Variants in TLN2 observed in about 807,000 individuals in gnomAD.
The protein encoded by TLN2 is talin 2, also known as talin-2.
Under a neutral mutation model 294.7 loss-of-function variants are expected in TLN2, and 118 were observed. The observed-to-expected ratio is 0.40, with a 90% CI of 0.34 to 0.47. The LOEUF is 0.47. Among genes scored for constraint, TLN2 ranks in the 20% least tolerant of loss-of-function variants. TLN2 has a pLI of 0.84. For synonymous variants in TLN2, 1,431 were observed against 1,304.5 expected (o/e 1.10, Z -2.09); for missense variants, 3,083 against 3,282.2 (o/e 0.94, Z 1.48).
At position 62,519,130 on chromosome 15, in the gene TLN2, A is replaced by G. The variant is rs149766210; in HGVS notation, c.-237-70557A>G. On this transcript the variant is annotated intron_variant, in intron 1 of 58. Coordinates refer to ENST00000636159, the MANE Select transcript of TLN2 (RefSeq NM_015059.3). ...ATAGACCTCTATGTTATAGAGCTGG[A>G]TGAACTTGATATGAAGGTGGAGTCC... 5.9e-5 allele frequency among the ~76,000 whole-genome samples: 9 copies of G among 152,334 alleles called. No homozygotes were observed. The East Asian group carries it at 1.5e-3, about 26-fold the overall frequency.
At chr15:62,459,927 G>A (rs1019260104) in intron 1 of TLN2, among the ~76,000 whole-genome samples, 3 of 152,054 alleles carry the variant, frequency 2.0e-5, no homozygotes, top group African/African-American at 4.8e-5. Flanking sequence ...ATCAATTTTC[G>A]TGAAATAATT....
chr15:62,714,404 G>A (rs4274389), intron 22 of TLN2, among the ~76,000 whole-genome samples: 52,071 of 151,246 alleles, frequency 0.34, 9,218 homozygotes, highest in East Asian at 0.63. Context: ...GGGTTTCCCC[G>A]TGTTAGCCAG....
intron 1 of TLN2, among the ~76,000 whole-genome samples, chr15:62,577,482 CAAACA>C (rs1442043851): frequency 2.6e-5 from 4 of 152,068 alleles, no homozygotes; most frequent in African/African-American, 9.7e-5. Context: ...ACAAAAAACA[CAAACA>C]AAAGAACTAC....
intron 9 of TLN2, among the ~76,000 whole-genome samples, chr15:62,665,070 TTTGTTG>T (rs531457039): frequency 1.4e-4 from 22 of 151,906 alleles, no homozygotes; most frequent in Middle Eastern, 3.4e-3. Context: ...CTCAACTATT[TTTGTTG>T]TTGTTGTTGT....
chr15:62,646,711 G>C (rs1000520412), intron 3 of TLN2, among the ~76,000 whole-genome samples: 1 of 152,158 alleles, frequency 6.6e-6, no homozygotes, highest in Non-Finnish European at 1.5e-5. Context: ...AATTGAGGCA[G>C]AGTGGCCAAA....
At chr15:62,631,491 CT>C (rs2049821086) in intron 3 of TLN2, among the ~76,000 whole-genome samples, 1 of 149,204 alleles carries the variant, frequency 6.7e-6, no homozygotes, top group South Asian at 2.1e-4. Flanking sequence ...TTCTTTCTTT[CT>C]TTCTTCCTCT....
chr15:62,615,144 G>A (rs2048212119), intron 2 of TLN2, among the ~76,000 whole-genome samples: 1 of 152,156 alleles, frequency 6.6e-6, no homozygotes, highest in Admixed American at 6.5e-5. Flanking sequence ...GAATTTAAAA[G>A]ATATTTGAAA....
chr15:62,619,931 A>G (rs748614709), intron 3 of TLN2, among the ~76,000 whole-genome samples: 8 of 152,166 alleles, frequency 5.3e-5, no homozygotes, highest in Admixed American at 2.0e-4. Flanking sequence ...TTGAAGGTCT[A>G]TCTCCCATTG....
intron 31 of TLN2, 74 bp downstream of exon 31, chr15:62,739,619 A>G: frequency 1.3e-6 from 2 of 1,541,704 alleles, no homozygotes. Context: ...CTTGAGACTG[A>G]CTGAACAAAT....
At chr15:62,631,629 C>T (rs2140889081) in intron 3 of TLN2, among the ~76,000 whole-genome samples, 2 of 135,742 alleles carry the variant, frequency 1.5e-5, no homozygotes, top group Non-Finnish European at 3.2e-5. Context: ...CCTCCTCCCT[C>T]CCTTTCTTTC....
At chr15:62,563,503 A>G (rs1357561300) in intron 1 of TLN2, among the ~76,000 whole-genome samples, 1 of 152,096 alleles carries the variant, frequency 6.6e-6, no homozygotes, top group African/African-American at 2.4e-5. Flanking sequence ...CCTTTGTCAG[A>G]TGTATAGACT....
At chr15:62,552,337 C>A (rs1289359576) in intron 1 of TLN2, among the ~76,000 whole-genome samples, 3 of 152,134 alleles carry the variant, frequency 2.0e-5, no homozygotes, top group Non-Finnish European at 2.9e-5. Flanking sequence ...CCATATTTGT[C>A]AATTTGCCTA....
chr15:62,507,249 G>A (rs1418571809), intron 1 of TLN2, among the ~76,000 whole-genome samples: 1 of 152,172 alleles, frequency 6.6e-6, no homozygotes, highest in Non-Finnish European at 1.5e-5. Context: ...ATGAGATCGT[G>A]CTTCGAGGTT....
chr15:62,541,119 G>T (rs180717224), intron 1 of TLN2, among the ~76,000 whole-genome samples: 71 of 152,256 alleles, frequency 4.7e-4, no homozygotes, highest in Admixed American at 4.6e-3. Context: ...AAGTGGGTAG[G>T]TAATCAAGAG....
At chr15:62,642,913 G>A (rs1472884741) in intron 3 of TLN2, among the ~76,000 whole-genome samples, 1 of 152,100 alleles carries the variant, frequency 6.6e-6, no homozygotes, top group Admixed American at 6.5e-5. Flanking sequence ...TGTTGGCCAG[G>A]CTGGTCTTGA....
intron 11 of TLN2, among the ~76,000 whole-genome samples, chr15:62,680,454 A>G (rs1596675052): frequency 6.6e-6 from 1 of 152,178 alleles, no homozygotes; most frequent in Non-Finnish European, 1.5e-5. Flanking sequence ...GATAAGACAT[A>G]TGTCAACCAT....
intron 1 of TLN2, among the ~76,000 whole-genome samples, chr15:62,470,376 A>G (rs1245005369): frequency 6.6e-6 from 1 of 152,244 alleles, no homozygotes; most frequent in Non-Finnish European, 1.5e-5. Context: ...ATGCTCAGGC[A>G]TTAGTCACTA....
At chr15:62,543,341 A>G (rs1165772943) in intron 1 of TLN2, among the ~76,000 whole-genome samples, 1 of 152,236 alleles carries the variant, frequency 6.6e-6, no homozygotes, top group Admixed American at 6.5e-5. Context: ...AGTACCTACT[A>G]TGCCAAGCTC....
In TLN2 at chr15:62,508,461, C is replaced by T. The variant is rs191905039; in HGVS notation, c.-237-81226C>T. On this transcript the variant is annotated intron_variant, in intron 1 of 58. Transcript: ENST00000636159. ...CGAACTCCTGACCTTGTGATCCACCCGCCTCGGCCTCCCAAAGTGCTGGGA... is the reference window on the plus strand; with the variant it reads ...CGAACTCCTGACCTTGTGATCCACCTGCCTCGGCCTCCCAAAGTGCTGGGA... Among the ~76,000 whole-genome samples, 491 of 152,192 alleles carry T rather than the reference C, an allele frequency of 3.2e-3. 5 individuals carry two copies. The highest frequency in any genetic ancestry group is 0.01 in the African/African-American group (430 of 41,538).
Sources: allele counts gnomAD v4.1 joint callset (sites outside exome capture counted in the v4.1 genomes callset), GRCh38; gene constraint gnomAD v4.1.1; transcripts MANE v1.5; gene names NCBI Gene and HGNC (gene_info 2026-07-23, HGNC 2026-07-21).